ACACB: variants seen among roughly 807,000 people sequenced by gnomAD.
ACACB encodes acetyl-CoA carboxylase 2.
Under a neutral mutation model 278.8 loss-of-function variants are expected in ACACB, and 209 were observed. The ratio of observed to expected loss-of-function variants is 0.75; its 90% CI spans 0.67 to 0.84. ACACB has a LOEUF of 0.84. Ranked by LOEUF, ACACB falls within the 40% of genes least tolerant of loss-of-function variation. The pLI is 0.00. For synonymous variants in ACACB, 1,174 were observed against 1,285.6 expected, an observed-to-expected ratio of 0.91 and a Z score of 1.86; for missense variants, 2,850 against 3,269.0, an observed-to-expected ratio of 0.87 and a Z score of 3.13.
intron 11 of ACACB, among the ~76,000 whole-genome samples, chr12:109,181,678 T>C (rs1156907304): frequency 2.0e-5 from 3 of 152,164 alleles, no homozygotes; most frequent in Non-Finnish European, 4.4e-5. Flanking sequence ...TATTTAGCAG[T>C]AGGATTGCTA....
rs754289848 is a variant in ACACB at position 109,237,178 on chromosome 12, G to T, written c.4460G>T (p.Arg1487Leu). The T allele has an allele frequency of 2.5e-6, 4 of 1,614,078 alleles. No individual in the cohort carries two copies. The highest frequency in any genetic ancestry group is 1.1e-5 in the South Asian group (1 of 91,072). ...FRARDEFAED[R>L]IYRHLEPALA... ...GTCCGCCTACAGTTTGCAGAAGATC[G>T]CATTTACCGTCACTTGGAACCTGCC... Residue 1487 changes from arginine to leucine, a missense_variant, in exon 34 of 53, where the codon CGC (arginine) becomes CTC (leucine). Coordinates refer to ENST00000338432, the MANE Select transcript of ACACB (RefSeq NM_001093.4).
In ACACB at chr12:109,265,269, G is replaced by C; in HGVS notation, c.7102G>C (p.Gly2368Arg). Reference protein sequence around the residue: ...MLRRWFVETEGAVKAYLWDNN... With the variant: ...MLRRWFVETERAVKAYLWDNN... ...GCGTCGCTGGTTCGTGGAGACGGAG[G>C]GGGCTGTCAAGGTGGGCCTGGGGTG... Residue 2368 changes from glycine (G) to arginine (R), a missense_variant, in exon 51 of 53, where the codon GGG becomes CGG. Physicochemically the swap from Gly to Arg is moderately radical, Grantham distance 125. This residue lies in a region of ACACB where 579 missense variants were observed against 684.6 expected (regional missense o/e 0.85). Transcript: ENST00000338432. 1 of 1,613,016 alleles carries C rather than the reference G, an allele frequency of 6.2e-7. No individual in the cohort carries two copies. Among genetic ancestry groups the C allele is most frequent in the South Asian group, 1.1e-5 (1 of 91,056 alleles).
rs1483232601 is a variant in ACACB at position 109,209,186 on chromosome 12, C to G, written c.3082C>G (p.Leu1028Val). The stretch of plus-strand genomic sequence containing the variant: ...TCAGCTGAAGGAGTGGGTGCAGAAG[C>G]TCATGATGACCCTCCGGCACCCGTC... ...SIKLKEWVQKLMMTLRHPSLP... is the reference protein window; with the variant it reads ...SIKLKEWVQKVMMTLRHPSLP... Residue 1028 changes from leucine (L) to valine (V), a missense_variant, in exon 21 of 53, where the codon CTC (leucine) becomes GTC (valine). Physicochemically the swap from Leu to Val is conservative, Grantham distance 32. Coordinates refer to ENST00000338432, the MANE Select transcript of ACACB (RefSeq NM_001093.4). 2.5e-6 allele frequency: 4 copies of G among 1,604,708 alleles called. No individual in the cohort carries two copies. The highest frequency in any genetic ancestry group is 1.7e-5 in the Admixed American group (1 of 58,762).
intron 2 of ACACB, among the ~76,000 whole-genome samples, chr12:109,142,368 T>G (rs1188703097): frequency 6.6e-6 from 1 of 152,128 alleles, no homozygotes; most frequent in Non-Finnish European, 1.5e-5. Context: ...AACTAATATT[T>G]CTCAGGTACT....
rs563487498 is a variant in ACACB, at chr12:109,213,827, C to T, written c.3350+891C>T. Among the ~76,000 whole-genome samples the T allele has an allele frequency of 1.5e-4, 23 of 151,920 alleles. No homozygotes were observed. The South Asian group carries it at 4.8e-3, about 32-fold the overall frequency. ...ATGTTAGCCAGGATGGTCTCAATCTCCTGACCTCGTGATCCCCCTGCCTCG... is the reference window on the plus strand; with the variant it reads ...ATGTTAGCCAGGATGGTCTCAATCTTCTGACCTCGTGATCCCCCTGCCTCG... On this transcript the variant is annotated intron_variant, in intron 22 of 52. Coordinates refer to ENST00000338432, the MANE Select transcript of ACACB (RefSeq NM_001093.4).
chr12:109,134,558 C>G (rs763411093), intron 1 of ACACB, among the ~76,000 whole-genome samples: 1 of 152,158 alleles, frequency 6.6e-6, no homozygotes, highest in Non-Finnish European at 1.5e-5. Flanking sequence ...TTTCAGGACT[C>G]GGACCTTTCT....
At chr12:109,242,342 C>G in intron 36 of ACACB, 95 bp from the exon 37 acceptor site, 1 of 1,403,214 alleles carries the variant, frequency 7.1e-7, no homozygotes, top group Non-Finnish European at 9.9e-7. Flanking sequence ...GCTTTGCTTC[C>G]CCCACCTGCA....
intron 22 of ACACB, among the ~76,000 whole-genome samples, chr12:109,214,954 G>A (rs1482081920): frequency 6.6e-6 from 1 of 152,120 alleles, no homozygotes; most frequent in Admixed American, 6.5e-5. Context: ...AAATTAGCCA[G>A]GCTTGGTGGT....
At chr12:109,221,416 C>T (rs2046156572) in intron 24 of ACACB, among the ~76,000 whole-genome samples, 1 of 152,158 alleles carries the variant, frequency 6.6e-6, no homozygotes, top group African/African-American at 2.4e-5. Flanking sequence ...GGAGCACCTG[C>T]GCTGAGCTGT....
chr12:109,234,079 T>A lies in ACACB; in HGVS notation c.4347+34T>A, dbSNP rs757517800. The A allele has an allele frequency of 3.9e-6, 6 of 1,537,714 alleles. 1 individual carries two copies. In the South Asian group the frequency reaches 7.0e-5, roughly 18 times the overall value. ...GGCGTGCCTCTGGTTTTGGTGGGGG[T>A]TCTTGGAGAAGGAGGAGGGGCTGGG... On this transcript the variant is annotated intron_variant, in intron 31 of 52. Coordinates refer to ENST00000338432, the MANE Select transcript of ACACB (RefSeq NM_001093.4).
chr12:109,254,410 C>A, intron 44 of ACACB, 76 bp downstream of exon 44: 2 of 1,410,868 alleles, frequency 1.4e-6, no homozygotes, highest in Non-Finnish European at 9.5e-7. Flanking sequence ...AGCACTTTGT[C>A]TCAAGCGCTT....
chr12:109,199,641 T>C, intron 18 of ACACB, 89 bp downstream of exon 18: 1 of 1,266,578 alleles, frequency 7.9e-7, no homozygotes, highest in Non-Finnish European at 1.0e-6. Context: ...CAGGCCTACC[T>C]CTCCCCTTGA....
rs558723687 is a variant in ACACB at position 109,201,442 on chromosome 12, G to A, written c.2779-125G>A. Reference sequence around the variant, plus strand: ...TACCTTCTGCCTGAACACTACCCAGGGAGTCATTCTGGCGCGTCCCTGGGT... The same window carrying A: ...TACCTTCTGCCTGAACACTACCCAGAGAGTCATTCTGGCGCGTCCCTGGGT... On this transcript the variant is annotated intron_variant, in intron 18 of 52. Transcript: ENST00000338432. 14 of 1,145,396 alleles carry A rather than the reference G, an allele frequency of 1.2e-5. No individual in the cohort carries two copies. In the African/African-American group the frequency reaches 1.2e-4, roughly 10 times the overall value. The allele number at this position is 1,145,396 out of a possible 1,614,324, so 71.0% of individuals were successfully genotyped here. A position where few individuals can be genotyped will look rare whatever the true frequency, so the allele number is the denominator to read the frequency against.
chr12:109,176,256 T>C lies in ACACB; in HGVS notation c.1430T>C (p.Phe477Ser), dbSNP rs1475048593. ...AGTGCGGAGGACTTCCCGATCCTTT[T>C]CAGACAAGTGAGCAGTTCTTGCTGT... Reference protein sequence around the residue: ...AESAEDFPILFRQVQSEIPGS... With the variant: ...AESAEDFPILSRQVQSEIPGS... The change falls in exon 9 of 53, where the codon TTC becomes TCC. Residue 477 changes from phenylalanine (F) to serine (S), a missense_variant. Transcript: ENST00000338432. 5 of 1,613,926 alleles carry C rather than the reference T, an allele frequency of 3.1e-6. No individual in the cohort carries two copies.
At chr12:109,111,833 CAG>C (rs1445239638), upstream of ACACB, among the ~76,000 whole-genome samples, 5 of 152,080 alleles carry the variant, frequency 3.3e-5, no homozygotes, top group Middle Eastern at 3.2e-3. Context: ...GGAGGGAGAC[CAG>C]AGTTTGCTTG....
intron 4 of ACACB, among the ~76,000 whole-genome samples, chr12:109,169,897 A>G (rs147444451): frequency 6.6e-6 from 1 of 152,288 alleles, no homozygotes; most frequent in African/African-American, 2.4e-5. Flanking sequence ...TAAACATAGG[A>G]GGCAGGCAGG....
intron 36 of ACACB, among the ~76,000 whole-genome samples, chr12:109,241,510 T>C (rs2046798537): frequency 6.6e-6 from 1 of 152,222 alleles, no homozygotes; most frequent in African/African-American, 2.4e-5. Flanking sequence ...ATCCATTCTG[T>C]GGCCATGTTG....
upstream of ACACB, among the ~76,000 whole-genome samples, chr12:109,113,816 G>A (rs55675165): frequency 0.17 from 25,371 of 152,118 alleles, 2,175 homozygotes; most frequent in African/African-American, 0.19. Flanking sequence ...GGTGCTCTGG[G>A]TTACTTTGAA....
chr12:109,169,767 T>C (rs553388853), intron 4 of ACACB, among the ~76,000 whole-genome samples: 84 of 152,346 alleles, frequency 5.5e-4, no homozygotes, highest in African/African-American at 1.9e-3. Context: ...TTATTGTGTT[T>C]ATTTTCTTGT....
Sources: allele counts gnomAD v4.1 joint callset (sites outside exome capture counted in the v4.1 genomes callset), GRCh38; gene constraint gnomAD v4.1.1; regional missense constraint gnomAD v4.1.1; transcripts MANE v1.5; gene names NCBI Gene and HGNC (gene_info 2026-07-23, HGNC 2026-07-21).